Variants in CDH13 observed in about 807,000 individuals in gnomAD.
CDH13 encodes the protein cadherin 13, also known as cadherin-13.
In CDH13, 24 loss-of-function variants were observed where a neutral mutation model predicts 63.8. The ratio of observed to expected loss-of-function variants is 0.38; its 90% confidence interval spans 0.27 to 0.53. The LOEUF (loss-of-function observed/expected upper bound fraction) is 0.53. Among genes scored for constraint, CDH13 ranks in the 20% least tolerant of loss-of-function variants. The pLI is 0.85. For missense variants in CDH13, 1,049 were observed against 903.1 expected, an observed-to-expected ratio of 1.16 and a Z score of -2.07; for synonymous variants, 503 against 355.3, an observed-to-expected ratio of 1.42 and a Z score of -4.67.
intron 1 of CDH13, among the ~76,000 whole-genome samples, chr16:82,772,127 TG>T (rs1194862512): frequency 1.3e-5 from 2 of 152,112 alleles, no homozygotes; most frequent in African/African-American, 4.8e-5. Context: ...GATGTTAAAT[TG>T]TTAGGAATTT....
intron 5 of CDH13, among the ~76,000 whole-genome samples, chr16:83,268,326 C>CTG (rs1567551775): frequency 6.6e-6 from 1 of 152,196 alleles, no homozygotes; most frequent in Non-Finnish European, 1.5e-5. Flanking sequence ...TGCTGGTGAG[C>CTG]TGTGTGTAGC....
At chr16:82,661,722 T>C (rs980491771) in intron 1 of CDH13, among the ~76,000 whole-genome samples, 2 of 152,214 alleles carry the variant, frequency 1.3e-5, no homozygotes, top group African/African-American at 4.8e-5. Context: ...ATGTACATTG[T>C]AGGAACCAGA....
At chr16:82,840,237 G>C (rs528167708) in intron 1 of CDH13, among the ~76,000 whole-genome samples, 1 of 152,172 alleles carries the variant, frequency 6.6e-6, no homozygotes, top group Admixed American at 6.5e-5. Context: ...TTAGAGAAGA[G>C]GGTAATGTTT....
chr16:82,704,290 T>C lies in CDH13; in HGVS notation c.45+77153T>C, dbSNP rs141070498. On this transcript the variant is annotated intron_variant, in intron 1 of 13. Coordinates refer to ENST00000567109, the MANE Select transcript of CDH13 (RefSeq NM_001257.5). ...CTGTCTTGCTGAATTTGAGTTTGAA[T>C]TATGGATGTTACAGAATGAATCATT... Among the ~76,000 whole-genome samples, 1,253 of 152,304 alleles carry C rather than the reference T, an allele frequency of 8.2e-3. 11 individuals carry two copies. The highest frequency in any genetic ancestry group is 0.014 in the Admixed American group (212 of 15,296).
chr16:82,643,860 A>C (rs1345704735), intron 1 of CDH13, among the ~76,000 whole-genome samples: 2 of 152,056 alleles, frequency 1.3e-5, no homozygotes, highest in African/African-American at 4.8e-5. Context: ...CTCTTGCCTC[A>C]GTTCTGGAAA....
intron 3 of CDH13, among the ~76,000 whole-genome samples, chr16:83,055,809 TA>T (rs1342308981): frequency 6.6e-6 from 1 of 152,180 alleles, no homozygotes; most frequent in Non-Finnish European, 1.5e-5. Flanking sequence ...GGAAAAATTA[TA>T]AGCCAGTCTC....
intron 7 of CDH13, among the ~76,000 whole-genome samples, chr16:83,501,450 A>G (rs1267714827): frequency 3.6e-3 from 1 of 274 alleles, no homozygotes; most frequent in African/African-American, 4.5e-3. Context: ...AATAAGCAAG[A>G]GTCAAGAGAT....
At chr16:82,964,439 T>G (rs935964568) in intron 2 of CDH13, among the ~76,000 whole-genome samples, 4 of 152,228 alleles carry the variant, frequency 2.6e-5, no homozygotes, top group Non-Finnish European at 5.9e-5. Flanking sequence ...AGACAGCGGC[T>G]TAGCCCATTA....
At chr16:83,775,388 A>C (rs1915038022) in intron 11 of CDH13, among the ~76,000 whole-genome samples, 1 of 149,762 alleles carries the variant, frequency 6.7e-6, no homozygotes, top group African/African-American at 2.4e-5. Flanking sequence ...AAGACCTGAA[A>C]GCTGGAATGG....
chr16:82,714,848 G>C (rs77841263), intron 1 of CDH13, among the ~76,000 whole-genome samples: 2,036 of 141,984 alleles, frequency 0.014, 48 homozygotes, highest in African/African-American at 0.05. Context: ...GAAGCTAAGA[G>C]AACAGCATGA....
rs531761461 is a variant in CDH13 at position 83,752,545 on chromosome 16, C to A, written c.1681+4295C>A. Among the ~76,000 whole-genome samples the A allele has an allele frequency of 1.3e-4, 20 of 152,342 alleles. No homozygotes were observed. The South Asian group carries it at 2.1e-3, about 16-fold the overall frequency. ...TCTGGTCTAAACTTCCGCCATACCA[C>A]TTACTAGCTATCTGATTTTGAAGAA... On this transcript the variant is annotated intron_variant, in intron 11 of 13. Coordinates refer to ENST00000567109, the MANE Select transcript of CDH13 (RefSeq NM_001257.5).
intron 6 of CDH13, among the ~76,000 whole-genome samples, chr16:83,378,346 G>A (rs28683042): frequency 0.012 from 1,818 of 152,300 alleles, 28 homozygotes; most frequent in African/African-American, 0.037. Flanking sequence ...CCTGTTCAGC[G>A]GAGAGGGACT....
At chr16:83,282,460 G>A (rs1177293611) in intron 5 of CDH13, among the ~76,000 whole-genome samples, 1 of 152,186 alleles carries the variant, frequency 6.6e-6, no homozygotes, top group African/African-American at 2.4e-5. Flanking sequence ...AGCTAAAAAT[G>A]TAACGTTGGA....
At chr16:83,247,331 G>C (rs572853272) in intron 5 of CDH13, among the ~76,000 whole-genome samples, 1 of 152,278 alleles carries the variant, frequency 6.6e-6, no homozygotes, top group Non-Finnish European at 1.5e-5. Flanking sequence ...TTCCAGGTGA[G>C]GAACTCAGTG....
At chr16:82,889,677 T>C (rs896241428) in intron 2 of CDH13, among the ~76,000 whole-genome samples, 4 of 152,256 alleles carry the variant, frequency 2.6e-5, no homozygotes, top group African/African-American at 9.6e-5. Flanking sequence ...TGATGCGTTC[T>C]GACAGGGTTA....
At chr16:83,166,917 G>T (rs1259639615) in intron 4 of CDH13, among the ~76,000 whole-genome samples, 2 of 152,122 alleles carry the variant, frequency 1.3e-5, no homozygotes, top group Non-Finnish European at 2.9e-5. Flanking sequence ...TACAGCAGTT[G>T]CCTGTTGCAC....
At position 83,098,800 on chromosome 16, in the gene CDH13, G is replaced by C. The variant is rs114406301; in HGVS notation, c.367-26585G>C. On this transcript the variant is annotated intron_variant, in intron 3 of 13. Transcript: ENST00000567109. ...TCTCAAGAATTTATTTTTATTAGTG[G>C]TTTTGAGCAATTTGATTATGATAAG... Among the ~76,000 whole-genome samples the C allele has an allele frequency of 6.6e-3, 1,003 of 152,164 alleles. 17 individuals carry two copies. The highest frequency in any genetic ancestry group is 0.021 in the African/African-American group (888 of 41,514).
Position 83,695,798 on chromosome 16 carries a change from G to A in CDH13, c.1538+17337G>A, listed in dbSNP as rs75221191. 3.3e-3 allele frequency among the ~76,000 whole-genome samples: 505 copies of A among 152,260 alleles called. 5 individuals carry two copies. The highest frequency in any genetic ancestry group is 0.011 in the African/African-American group (475 of 41,534). ...CTTCGGACACAACTGTGAGATGGGT[G>A]TGATCATCCCTGTTCTATAGATGAG... is the stretch of plus-strand genomic sequence containing the variant. On this transcript the variant is annotated intron_variant, in intron 10 of 13. Transcript: ENST00000567109.
intron 5 of CDH13, among the ~76,000 whole-genome samples, chr16:83,221,097 T>C (rs2039686414): frequency 6.6e-6 from 1 of 152,238 alleles, no homozygotes; most frequent in Non-Finnish European, 1.5e-5. Context: ...TCCATTTCTT[T>C]TCAGCTCCAA....
Sources: gnomAD v4.1 joint callset for allele counts (sites outside exome capture counted in the v4.1 genomes callset) on GRCh38, gnomAD v4.1.1 for gene constraint, MANE v1.5 for transcripts, NCBI Gene and HGNC (gene_info 2026-07-23, HGNC 2026-07-21) for gene names.